Variants in PDCD10 observed in about 807,000 individuals in gnomAD.
The protein encoded by PDCD10 is programmed cell death protein 10.
Under a neutral mutation model 29.2 loss-of-function variants are expected in PDCD10, and 4 were observed. The ratio of observed to expected loss-of-function variants is 0.14; its 90% confidence interval spans 0.07 to 0.31. The LOEUF is 0.31. Among genes scored for constraint, PDCD10 ranks in the 10% least tolerant of loss-of-function variants. The pLI is 1.00. For missense variants in PDCD10, 183 were observed against 257.9 expected (o/e 0.71, Z 1.99); for synonymous variants, 70 against 82.2 (o/e 0.85, Z 0.80).
chr3:167,707,276 T>C (rs981225982), intron 3 of PDCD10, among the ~76,000 whole-genome samples: 2 of 152,228 alleles, frequency 1.3e-5, no homozygotes, highest in African/African-American at 2.4e-5. Context: ...ATGTAATGAT[T>C]TCATGTAAAT....
chr3:167,714,113 G>T (rs763025281), intron 3 of PDCD10, among the ~76,000 whole-genome samples: 1 of 151,778 alleles, frequency 6.6e-6, no homozygotes, highest in Non-Finnish European at 1.5e-5. Flanking sequence ...AAAACTACAG[G>T]CCAATCTCTG....
Position 167,704,886 on chromosome 3 carries a change from C to A in PDCD10, c.106G>T (p.Val36Leu). ...AGTGTCTGGGCTGCAGACAGATTTA[C>A]TCGTTCTAGCTGCAATAAAAATTTT... ...MYPVFNELER[V>L]NLSAAQTLRA... Residue 36 changes from valine to leucine, a missense_variant, in exon 4 of 9, where the codon GTA becomes TTA. By Grantham distance (32) the Val-to-Leu change is conservative (BLOSUM62 1). Transcript: ENST00000392750. The A allele has an allele frequency of 6.2e-7, 1 of 1,604,804 alleles. No homozygotes were observed. The highest frequency in any genetic ancestry group is 8.5e-7 in the Non-Finnish European group (1 of 1,172,236).
chr3:167,717,781 C>G (rs1723164543), intron 3 of PDCD10, among the ~76,000 whole-genome samples: 1 of 151,988 alleles, frequency 6.6e-6, no homozygotes, highest in Non-Finnish European at 1.5e-5. Flanking sequence ...CTGAACATGC[C>G]TTTGAATACA....
At chr3:167,708,284 C>T (rs1233379097) in intron 3 of PDCD10, among the ~76,000 whole-genome samples, 1 of 150,072 alleles carries the variant, frequency 6.7e-6, no homozygotes, top group Non-Finnish European at 1.5e-5. Flanking sequence ...AAAAAAAAAG[C>T]CATTTAGCCC....
At chr3:167,723,308 T>G (rs1210760433) in intron 2 of PDCD10, among the ~76,000 whole-genome samples, 1 of 152,224 alleles carries the variant, frequency 6.6e-6, no homozygotes, top group African/African-American at 2.4e-5. Context: ...AAGGGTTGGC[T>G]GAGCTGAGTG....
intron 3 of PDCD10, among the ~76,000 whole-genome samples, chr3:167,716,425 T>C (rs1723023064): frequency 6.6e-6 from 1 of 151,954 alleles, no homozygotes; most frequent in African/African-American, 2.4e-5. Context: ...GGATGGTTTG[T>C]TATATAAAGG....
At chr3:167,727,333 A>C (rs1724296098) in intron 2 of PDCD10, among the ~76,000 whole-genome samples, 1 of 152,232 alleles carries the variant, frequency 6.6e-6, no homozygotes, top group Admixed American at 6.5e-5. Flanking sequence ...AGGGGGAAAA[A>C]CATACATCTC....
At chr3:167,699,330 A>G (rs1331198925) in intron 4 of PDCD10, among the ~76,000 whole-genome samples, 1 of 152,222 alleles carries the variant, frequency 6.6e-6, no homozygotes, top group Non-Finnish European at 1.5e-5. Flanking sequence ...CTAGGAGTCC[A>G]TGCAGTGTCA....
intron 2 of PDCD10, among the ~76,000 whole-genome samples, chr3:167,730,436 T>C (rs1324539097): frequency 6.6e-6 from 1 of 152,198 alleles, no homozygotes; most frequent in African/African-American, 2.4e-5. Flanking sequence ...TATTTCAGTT[T>C]TATCCTCCAC....
intron 4 of PDCD10, among the ~76,000 whole-genome samples, chr3:167,700,208 T>C (rs1721251102): frequency 1.3e-5 from 2 of 152,172 alleles, no homozygotes; most frequent in African/African-American, 2.4e-5. Flanking sequence ...TTAGTAAGTA[T>C]ATGATTAAAA....
chr3:167,719,511 A>G (rs925288128), intron 3 of PDCD10, among the ~76,000 whole-genome samples: 1 of 152,142 alleles, frequency 6.6e-6, no homozygotes, highest in African/African-American at 2.4e-5. Context: ...CAATTCTTCA[A>G]ATTAAAAAGC....
At chr3:167,729,211 C>A (rs1319562809) in intron 2 of PDCD10, among the ~76,000 whole-genome samples, 1 of 152,116 alleles carries the variant, frequency 6.6e-6, no homozygotes, top group Non-Finnish European at 1.5e-5. Context: ...AAGTCAAACA[C>A]TTCACCTGGT....
At chr3:167,687,494 A>T (rs1719745776) in intron 7 of PDCD10, 121 bp downstream of exon 7, 3 of 757,840 alleles carry the variant, frequency 4.0e-6, no homozygotes, top group Non-Finnish European at 7.0e-6. Context: ...TTCAAGAATA[A>T]ACTCAATGGT....
In PDCD10 at chr3:167,696,925, AG is replaced by A. The variant is rs1003728859; in HGVS notation, c.268+83del. The A allele has an allele frequency of 1.2e-5, 10 of 806,032 alleles. No homozygotes were observed. The African/African-American group carries it at 1.7e-4, about 14-fold the overall frequency. 49.9% of individuals were successfully genotyped at this position (806,032 alleles called of 1,614,324 possible). A position where few individuals can be genotyped will look rare whatever the true frequency, so the allele number is the denominator to read the frequency against. ...AGGGAGGGAAAACAGTAGGGAAGGA[AG>A]ATCCTTTGGTCAAATAATAATGATT... On this transcript the variant is annotated intron_variant, in intron 5 of 8. Transcript: ENST00000392750.
rs1278815904 is a variant in PDCD10, at chr3:167,697,024, C to G, written c.253G>C (p.Ala85Pro). The change falls in exon 5 of 9, where the codon GCT (alanine) becomes CCT (proline). Residue 85 changes from alanine (A) to proline (P), a missense_variant. Transcript: ENST00000392750. The part of the protein sequence containing the change: ...NFTESLLRMA[A>P]DDVEEYMIER... ...TGTCCGTTACCTTCTACATCATCAG[C>G]TGCCATACGAAGAAGGGACTCCGTG... 6.4e-7 allele frequency: 1 copy of G among 1,564,928 alleles called. No homozygotes were observed. Among genetic ancestry groups the G allele is most frequent in the South Asian group, 1.1e-5 (1 of 90,100 alleles).
At chr3:167,713,047 T>C (rs1345635325) in intron 3 of PDCD10, among the ~76,000 whole-genome samples, 1 of 152,028 alleles carries the variant, frequency 6.6e-6, no homozygotes, top group Non-Finnish European at 1.5e-5. Context: ...GACAGATCTT[T>C]CAGACAGAAA....
At chr3:167,707,701 A>AAAACC (rs1182572897) in intron 3 of PDCD10, among the ~76,000 whole-genome samples, 1 of 152,052 alleles carries the variant, frequency 6.6e-6, no homozygotes, top group Non-Finnish European at 1.5e-5. Context: ...AAAACAAAAC[A>AAAACC]AAACAAAAAA....
At chr3:167,704,638 G>T in intron 4 of PDCD10, 2 of 489,002 alleles carry the variant, frequency 4.1e-6, no homozygotes, top group South Asian at 5.6e-5. Context: ...AGCACAAAGT[G>T]ATGAAAAGAT....
intron 3 of PDCD10, among the ~76,000 whole-genome samples, chr3:167,714,210 C>A (rs1722788824): frequency 6.6e-6 from 1 of 152,016 alleles, no homozygotes; most frequent in Non-Finnish European, 1.5e-5. Flanking sequence ...AGATTTATCC[C>A]AGGACGCAAG....
Sources: allele counts gnomAD v4.1 joint callset (sites outside exome capture counted in the v4.1 genomes callset), GRCh38; gene constraint gnomAD v4.1.1; transcripts MANE v1.5; gene names NCBI Gene and HGNC (gene_info 2026-07-23, HGNC 2026-07-21).